Variants in TMEM39A observed in about 807,000 individuals in gnomAD.
TMEM39A encodes transmembrane protein 39A, also known as suppressor of SQST-1 aggregates in rpl-43 mutants.
A neutral mutation model predicts 51.9 loss-of-function variants in TMEM39A; 19 were observed. The observed-to-expected ratio is 0.37, with a 90% CI of 0.26 to 0.54. The LOEUF (loss-of-function observed/expected upper bound fraction) is 0.54, where lower values mean the gene tolerates loss of function less well. TMEM39A is among the 20% of genes least tolerant of loss of function. The pLI, the probability that TMEM39A is intolerant of heterozygous loss-of-function variation, is 0.88. For synonymous variants in TMEM39A, 197 were observed against 220.2 expected (o/e 0.89, Z 0.93); for missense variants, 433 against 590.5 (o/e 0.73, Z 2.76).
chr3:119,455,918 G>A (rs1328708587), intron 3 of TMEM39A, among the ~76,000 whole-genome samples: 1 of 152,158 alleles, frequency 6.6e-6, no homozygotes, highest in Non-Finnish European at 1.5e-5. Flanking sequence ...GATTGGTCTG[G>A]ACTTGGGCAC....
At chr3:119,435,677 A>T (rs912910882) in intron 7 of TMEM39A, 37 of 70,634 alleles carry the variant, frequency 5.2e-4, no homozygotes, top group South Asian at 4.7e-4. Context: ...ATATGTTATT[A>T]AAAAAAAAAA....
At chr3:119,438,891 TG>T (rs2081012288) in intron 5 of TMEM39A, among the ~76,000 whole-genome samples, 1 of 152,170 alleles carries the variant, frequency 6.6e-6, no homozygotes, top group East Asian at 1.9e-4. Context: ...TTTTTAACTT[TG>T]GGGGTAGTTT....
At position 119,463,352 on chromosome 3, in the gene TMEM39A, G is replaced by A; in HGVS notation, c.-91C>T. On this transcript the variant is annotated 5_prime_UTR_variant, in exon 1 of 9. Coordinates refer to ENST00000319172, the MANE Select transcript of TMEM39A (RefSeq NM_018266.3). ...AATACTCACGCATGGAAGAGTCCCAGCCGGTGGGGCGGGGTCCCTAGAAAG... is the reference window on the plus strand; with the variant it reads ...AATACTCACGCATGGAAGAGTCCCAACCGGTGGGGCGGGGTCCCTAGAAAG... 5.3e-6 allele frequency: 2 copies of A among 377,310 alleles called. No homozygotes were observed. The highest frequency in any genetic ancestry group is 9.4e-6 in the Non-Finnish European group (2 of 213,370). The allele number at this position is 377,310 out of a possible 1,614,324, so 23.4% of individuals were successfully genotyped here.
intron 5 of TMEM39A, among the ~76,000 whole-genome samples, chr3:119,444,114 T>G (rs2081093226): frequency 6.7e-6 from 1 of 148,338 alleles, no homozygotes; most frequent in Admixed American, 6.8e-5. Flanking sequence ...AATTATTTCA[T>G]TGTTTTAAGG....
intron 5 of TMEM39A, among the ~76,000 whole-genome samples, chr3:119,444,097 A>G (rs915919180): frequency 6.6e-6 from 1 of 152,092 alleles, no homozygotes; most frequent in Non-Finnish European, 1.5e-5. Flanking sequence ...ATGTATTTAA[A>G]TTACATAATT....
chr3:119,452,442 G>A lies in TMEM39A; in HGVS notation c.420+5C>T, dbSNP rs760832847. The A allele has an allele frequency of 5.6e-6, 9 of 1,611,206 alleles. No individual in the cohort carries two copies. The highest frequency in any genetic ancestry group is 7.6e-6 in the Non-Finnish European group (9 of 1,177,750). Reference sequence around the variant, plus strand: ...TGTGATAGAATATAGTCAATGAACTGTTACCTCTGAGATGAGAGCCCATAC... The same window carrying A: ...TGTGATAGAATATAGTCAATGAACTATTACCTCTGAGATGAGAGCCCATAC... On this transcript the variant is annotated splice_donor_5th_base_variant and intron_variant, in intron 4 of 8. Transcript: ENST00000319172.
rs2081367717 is a variant in TMEM39A at position 119,463,526 on chromosome 3, A to C, written c.-265T>G. ...TTCGGGCTGCCAGACTCAGACCCAGACTCCGACGCAGTTCCAGTGCCAGAG... is the reference window on the plus strand; with the variant it reads ...TTCGGGCTGCCAGACTCAGACCCAGCCTCCGACGCAGTTCCAGTGCCAGAG... On this transcript the variant is annotated 5_prime_UTR_variant, in exon 1 of 9. Transcript: ENST00000319172. The C allele has an allele frequency of 2.5e-6, 1 of 398,754 alleles. No homozygotes were observed. Among genetic ancestry groups the C allele is most frequent in the South Asian group, 1.3e-4 (1 of 7,862 alleles). 24.7% of individuals were successfully genotyped at this position (398,754 alleles called of 1,614,324 possible).
Position 119,458,368 on chromosome 3 carries a change from ATCC to A in TMEM39A, c.114-131_114-129del, listed in dbSNP as rs1374742984. ...TTTCCCCACAAGACTCCATCCTGGG[ATCC>A]TCTTTTCTCCCTCCACACTTTCTGT... On this transcript the variant is annotated intron_variant, in intron 2 of 8. Coordinates refer to ENST00000319172, the MANE Select transcript of TMEM39A (RefSeq NM_018266.3). The A allele has an allele frequency of 5.4e-6, 4 of 735,210 alleles. No homozygotes were observed. In the East Asian group the frequency reaches 8.2e-5, roughly 15 times the overall value. The allele number at this position is 735,210 out of a possible 1,614,324, so 45.5% of individuals were successfully genotyped here. A position where few individuals can be genotyped will look rare whatever the true frequency, so the allele number is the denominator to read the frequency against.
intron 2 of TMEM39A, 88 bp from the exon 3 acceptor site, chr3:119,458,328 C>G: frequency 9.2e-7 from 1 of 1,081,694 alleles, no homozygotes; most frequent in South Asian, 1.4e-5. Context: ...CTCCATCTAC[C>G]CCTTCACTGT....
In TMEM39A at chr3:119,438,778, G is replaced by A. The variant is rs574690942; in HGVS notation, c.576-675C>T. 6.6e-5 allele frequency among the ~76,000 whole-genome samples: 10 copies of A among 152,050 alleles called. No homozygotes were observed. In the South Asian group the frequency reaches 1.9e-3, roughly 28 times the overall value. ...TCAAATGTCCCTTTCTTAGTAGGGG[G>A]CCCTCCTGCCTCCCTACTGTATCAC... On this transcript the variant is annotated intron_variant, in intron 5 of 8. Transcript: ENST00000319172.
chr3:119,435,194 C>T (rs2080952197), intron 7 of TMEM39A: 2 of 985,274 alleles, frequency 2.0e-6, no homozygotes, highest in African/African-American at 3.5e-5. Context: ...AGCAGGGTGA[C>T]TGTCATCTCC....
At position 119,452,423 on chromosome 3, in the gene TMEM39A, A is replaced by C; in HGVS notation, c.420+24T>G. On this transcript the variant is annotated intron_variant, in intron 4 of 8. Transcript: ENST00000319172. Reference sequence around the variant, plus strand: ...GTAACTAACTCTAGCTACATGTGATAGAATATAGTCAATGAACTGTTACCT... The same window carrying C: ...GTAACTAACTCTAGCTACATGTGATCGAATATAGTCAATGAACTGTTACCT... The C allele has an allele frequency of 2.5e-6, 4 of 1,590,614 alleles. No homozygotes were observed. The South Asian group carries it at 4.4e-5, about 18-fold the overall frequency.
chr3:119,462,268 G>T, intron 1 of TMEM39A, 120 bp from the exon 2 acceptor site: 1 of 545,870 alleles, frequency 1.8e-6, no homozygotes, highest in Non-Finnish European at 3.3e-6. Flanking sequence ...AATGTTCCCA[G>T]TGTCTACTAC....
chr3:119,456,005 T>G (rs571479108), intron 3 of TMEM39A, among the ~76,000 whole-genome samples: 1 of 152,304 alleles, frequency 6.6e-6, no homozygotes, highest in East Asian at 1.9e-4. Flanking sequence ...CATATAATGG[T>G]ACCTACCCAT....
Position 119,431,851 on chromosome 3 carries a change from C to CGGGA in TMEM39A, c.*129_*130insTCCC, listed in dbSNP as rs201460906. 6.5e-3 allele frequency: 4,050 copies of CGGGA among 624,776 alleles called. 117 individuals carry two copies. The African/African-American group carries it at 0.067, about 10-fold the overall frequency. 38.7% of individuals were successfully genotyped at this position (624,776 alleles called of 1,614,324 possible). On this transcript the variant is annotated 3_prime_UTR_variant, in exon 9 of 9. Coordinates refer to ENST00000319172, the MANE Select transcript of TMEM39A (RefSeq NM_018266.3). ...ACGGATACATTTAATATCCCTTACT[C>CGGGA]TTCCCGACTTTCAAAACATAATAGT...
chr3:119,433,051 T>C (rs1413336030), intron 8 of TMEM39A, among the ~76,000 whole-genome samples: 1 of 152,154 alleles, frequency 6.6e-6, no homozygotes, highest in Non-Finnish European at 1.5e-5. Context: ...CATTAACAAT[T>C]CAGCTTAACC....
Position 119,441,987 on chromosome 3 carries a change from C to T in TMEM39A, c.576-3884G>A, listed in dbSNP as rs542684716. ...TGGATGACAGTACATCTGTTTACAG[C>T]ATGGTTTACTGAATAAGCTCACTGT... On this transcript the variant is annotated intron_variant, in intron 5 of 8. Transcript: ENST00000319172. Among the ~76,000 whole-genome samples, 14 of 152,332 alleles carry T rather than the reference C, an allele frequency of 9.2e-5. No individual in the cohort carries two copies. In the South Asian group the frequency reaches 2.7e-3, roughly 29 times the overall value.
intron 5 of TMEM39A, among the ~76,000 whole-genome samples, chr3:119,442,318 G>T (rs565244095): frequency 6.6e-6 from 1 of 150,968 alleles, no homozygotes. Flanking sequence ...ATTCCAGCCT[G>T]GGCAACAGAG....
At chr3:119,451,830 C>CAAAAAA (rs10653676) in intron 4 of TMEM39A, among the ~76,000 whole-genome samples, 27 of 54,252 alleles carry the variant, frequency 5.0e-4, no homozygotes, top group African/African-American at 2.0e-3. Flanking sequence ...AACTCCGTCT[C>CAAAAAA]AAAAAAAAAA....
Sources: gnomAD v4.1 joint callset for allele counts (sites outside exome capture counted in the v4.1 genomes callset) on GRCh38, gnomAD v4.1.1 for gene constraint, MANE v1.5 for transcripts, NCBI Gene and HGNC (gene_info 2026-07-23, HGNC 2026-07-21) for gene names.